The following ANKFN1 variants were observed in gnomAD, a reference collection of about 807,000 sequenced individuals.
ANKFN1 encodes ankyrin repeat and fibronectin type III domain containing 1.
In ANKFN1, 74 loss-of-function variants were observed where a neutral mutation model predicts 108.7. The ratio of observed to expected loss-of-function variants is 0.68; its 90% CI spans 0.56 to 0.83. The LOEUF is 0.83. Among genes scored for constraint, ANKFN1 ranks in the 40% least tolerant of loss-of-function variants. The probability of loss-of-function intolerance (pLI) is 0.00; values close to 1 mark genes in which losing one functional copy is unlikely to be tolerated. For synonymous variants in ANKFN1, 547 were observed against 516.2 expected, an observed-to-expected ratio of 1.06 and a Z score of -0.81; for missense variants, 1,505 against 1,382.3, an observed-to-expected ratio of 1.09 and a Z score of -1.41.
chr17:56,467,773 AAG>A (rs1491448307), intron 15 of ANKFN1, among the ~76,000 whole-genome samples: 2 of 22,826 alleles, frequency 8.8e-5, no homozygotes, highest in African/African-American at 2.2e-4. Context: ...GAAAGAAAGA[AAG>A]AAAGAAAGAA....
At chr17:56,504,498 C>T (rs558854925) in intron 20 of ANKFN1, among the ~76,000 whole-genome samples, 1 of 152,244 alleles carries the variant, frequency 6.6e-6, no homozygotes, top group South Asian at 2.1e-4. Flanking sequence ...AGATACCATA[C>T]AAGAAATTAT....
At chr17:56,461,181 T>C (rs2049890602) in intron 14 of ANKFN1, among the ~76,000 whole-genome samples, 1 of 152,206 alleles carries the variant, frequency 6.6e-6, no homozygotes, top group Non-Finnish European at 1.5e-5. Flanking sequence ...CAGTCTAGTA[T>C]TTGCTGGAGA....
intron 19 of ANKFN1, among the ~76,000 whole-genome samples, chr17:56,497,316 A>G (rs2051230721): frequency 6.6e-6 from 1 of 152,134 alleles, no homozygotes; most frequent in African/African-American, 2.4e-5. Flanking sequence ...CCAACTGACC[A>G]AGCTAAAAAA....
At chr17:56,160,025 G>A (rs1187296664) in intron 1 of ANKFN1, among the ~76,000 whole-genome samples, 3 of 152,170 alleles carry the variant, frequency 2.0e-5, no homozygotes, top group African/African-American at 7.2e-5. Flanking sequence ...TGTGTTTGCA[G>A]GGCAAAATAG....
At chr17:56,153,959 T>C (rs1209296442) in intron 1 of ANKFN1, among the ~76,000 whole-genome samples, 2 of 152,334 alleles carry the variant, frequency 1.3e-5, no homozygotes, top group African/African-American at 4.8e-5. Context: ...TCTCCTTCTC[T>C]CTCTCTCACT....
At chr17:56,331,114 T>A (rs1291483413) in intron 4 of ANKFN1, among the ~76,000 whole-genome samples, 1 of 152,144 alleles carries the variant, frequency 6.6e-6, no homozygotes, top group Non-Finnish European at 1.5e-5. Flanking sequence ...GTCCCCTAGT[T>A]CACATCACAG....
At chr17:56,505,570 A>T (rs1200768273) in intron 20 of ANKFN1, among the ~76,000 whole-genome samples, 3 of 152,240 alleles carry the variant, frequency 2.0e-5, no homozygotes, top group African/African-American at 4.8e-5. Flanking sequence ...AGCAGAGATG[A>T]GTAAGACATA....
intron 8 of ANKFN1, among the ~76,000 whole-genome samples, chr17:56,430,539 A>AC (rs2048721981): frequency 9.4e-6 from 1 of 106,116 alleles, no homozygotes; most frequent in African/African-American, 3.0e-5. Context: ...CACACACACA[A>AC]AGGTAACTAT....
In ANKFN1 at chr17:56,107,356, A is replaced by C. The variant is rs564859310; in HGVS notation, c.288+61031A>C. On this transcript the variant is annotated intron_variant, in intron 4 of 12. Transcript: ENST00000635860. ...AAAATGCTCCATCCATGTCCCCAAAAAAAGGCCAATCGCTAGACCATCATT... is the reference window on the plus strand; with the variant it reads ...AAAATGCTCCATCCATGTCCCCAAACAAAGGCCAATCGCTAGACCATCATT... Among the ~76,000 whole-genome samples, 320 of 152,278 alleles carry C rather than the reference A, an allele frequency of 2.1e-3. 1 individual carries two copies. Among genetic ancestry groups the C allele is most frequent in the Non-Finnish European group, 1.8e-3 (123 of 68,028 alleles).
intron 6 of ANKFN1, among the ~76,000 whole-genome samples, chr17:56,364,014 CTG>C (rs1287178013): frequency 6.6e-6 from 1 of 152,066 alleles, no homozygotes; most frequent in African/African-American, 2.4e-5. Context: ...ATTTATTGCA[CTG>C]TGTCATGAAG....
chr17:56,331,560 G>T (rs887622528), intron 4 of ANKFN1, among the ~76,000 whole-genome samples: 1 of 152,118 alleles, frequency 6.6e-6, no homozygotes, highest in African/African-American at 2.4e-5. Context: ...CTAGGGAGAT[G>T]AAGCTGACAG....
chr17:56,440,492 T>C (rs970355227), intron 9 of ANKFN1, 68 bp downstream of exon 9: 9 of 1,370,606 alleles, frequency 6.6e-6, no homozygotes, highest in Non-Finnish European at 8.2e-6. Context: ...CAGTAGCAAA[T>C]GTCTATTCTG....
At chr17:56,406,217 T>G (rs1337072428) in intron 8 of ANKFN1, among the ~76,000 whole-genome samples, 1 of 152,126 alleles carries the variant, frequency 6.6e-6, no homozygotes, top group Non-Finnish European at 1.5e-5. Context: ...TACGCAGGAA[T>G]AGAAAATATT....
chr17:56,449,397 C>T (rs528173669), intron 11 of ANKFN1, among the ~76,000 whole-genome samples: 9 of 152,160 alleles, frequency 5.9e-5, no homozygotes, highest in Admixed American at 5.9e-4. Flanking sequence ...CTCTCCCTCT[C>T]TCCATATGAA....
chr17:56,266,540 C>T (rs1488807229), intron 3 of ANKFN1, among the ~76,000 whole-genome samples: 1 of 152,154 alleles, frequency 6.6e-6, no homozygotes, highest in Non-Finnish European at 1.5e-5. Context: ...GTCCTTAAGC[C>T]TATCTATCCC....
chr17:56,365,211 GAAAT>G (rs2046627343), intron 6 of ANKFN1, among the ~76,000 whole-genome samples: 1 of 152,130 alleles, frequency 6.6e-6, no homozygotes, highest in Non-Finnish European at 1.5e-5. Flanking sequence ...TTTCTGCCTT[GAAAT>G]AGCAGATGGG....
intron 1 of ANKFN1, among the ~76,000 whole-genome samples, chr17:56,186,221 G>T (rs1912189746): frequency 6.6e-6 from 1 of 152,178 alleles, no homozygotes; most frequent in Admixed American, 6.5e-5. Context: ...GTACTAATAA[G>T]AATAAAATTA....
At chr17:56,291,189 A>C (rs1041717413) in intron 3 of ANKFN1, among the ~76,000 whole-genome samples, 4 of 152,208 alleles carry the variant, frequency 2.6e-5, no homozygotes, top group African/African-American at 9.6e-5. Flanking sequence ...ATGTCACTGG[A>C]TCATTTCAAA....
At chr17:56,172,559 G>T (rs1176270708) in intron 1 of ANKFN1, among the ~76,000 whole-genome samples, 1 of 152,140 alleles carries the variant, frequency 6.6e-6, no homozygotes, top group Non-Finnish European at 1.5e-5. Context: ...GTGCTAGGAG[G>T]TGGCAGTGAG....
Sources: allele counts gnomAD v4.1 joint callset (sites outside exome capture counted in the v4.1 genomes callset), GRCh38; gene constraint gnomAD v4.1.1; transcripts MANE v1.5; gene names NCBI Gene and HGNC (gene_info 2026-07-23, HGNC 2026-07-21).